The following RNPEPL1 variants were observed in gnomAD, a reference collection of about 807,000 sequenced individuals.
RNPEPL1 encodes arginyl aminopeptidase like 1, also known as aminopeptidase RNPEPL1.
Under a neutral mutation model 69.0 loss-of-function variants are expected in RNPEPL1, and 46 were observed. That is an observed-to-expected ratio of 0.67 (90% CI 0.53 to 0.85). The LOEUF (loss-of-function observed/expected upper bound fraction) is 0.85. RNPEPL1 is among the 40% of genes least tolerant of loss of function. The pLI, the probability that RNPEPL1 is intolerant of heterozygous loss-of-function variation, is 0.00. For missense variants in RNPEPL1, 869 were observed against 992.5 expected (o/e 0.88, Z 1.67); for synonymous variants, 525 against 454.1 (o/e 1.16, Z -1.98).
Position 240,573,293 on chromosome 2 carries a change from G to A in RNPEPL1, c.821+32G>A, listed in dbSNP as rs1406014770. The A allele has an allele frequency of 5.2e-6, 8 of 1,540,720 alleles. 1 individual carries two copies. In the South Asian group the frequency reaches 6.0e-5, roughly 12 times the overall value. On this transcript the variant is annotated intron_variant, in intron 3 of 10. Transcript: ENST00000270357. ...CCTCCTGCTGGGGCCTTCTGGGGCT[G>A]CGCAGGCCTCGGGGAGAGCCCCACC... is the stretch of plus-strand genomic sequence containing the variant.
At chr2:240,569,156 G>A (rs2093013888) in intron 1 of RNPEPL1, 42 bp downstream of exon 1, 6 of 1,396,646 alleles carry the variant, frequency 4.3e-6, no homozygotes, top group Non-Finnish European at 1.8e-6. Flanking sequence ...CCGGTCCGCA[G>A]GGCGCTGCTA....
At chr2:240,573,375 G>A in intron 3 of RNPEPL1, 114 bp downstream of exon 3, 3 of 1,284,740 alleles carry the variant, frequency 2.3e-6, no homozygotes, top group Non-Finnish European at 3.1e-6. Flanking sequence ...CTGGCCTCTG[G>A]GTGCTCTGGG....
At chr2:240,573,717 G>A in intron 3 of RNPEPL1, 58 bp from the exon 4 acceptor site, 1 of 1,396,408 alleles carries the variant, frequency 7.2e-7, no homozygotes, top group South Asian at 1.4e-5. Flanking sequence ...GGAGAGCCTG[G>A]TGGGGTGAGC....
In RNPEPL1 at chr2:240,569,240, G is replaced by A. The variant is rs1342582048; in HGVS notation, c.528+126G>A. On this transcript the variant is annotated intron_variant, in intron 1 of 10. Coordinates refer to ENST00000270357, the MANE Select transcript of RNPEPL1 (RefSeq NM_018226.6). ...ACAGGTGCCCCCCTCCCCCCACCCC[G>A]GTGATTCCCAGCTGTTGCCTGTGAG... The A allele has an allele frequency of 7.1e-5, 76 of 1,069,528 alleles. No individual in the cohort carries two copies. The South Asian group carries it at 1.5e-3, about 20-fold the overall frequency. The allele number at this position is 1,069,528 out of a possible 1,614,324, so 66.3% of individuals were successfully genotyped here.
chr2:240,570,861 G>A (rs1398964715), intron 1 of RNPEPL1, among the ~76,000 whole-genome samples: 1 of 152,194 alleles, frequency 6.6e-6, no homozygotes, highest in Non-Finnish European at 1.5e-5. Flanking sequence ...CTCACTTCAG[G>A]GCAAGTGGGG....
intron 1 of RNPEPL1, chr2:240,569,344 G>T (rs908506243): frequency 4.1e-6 from 2 of 489,452 alleles, no homozygotes; most frequent in Non-Finnish European, 7.1e-6. Context: ...CTCCCGTTCA[G>T]GTGTCTGGTC....
rs1448097891 is a variant in RNPEPL1, at chr2:240,580,146, T to C, written c.*2254T>C. ...AAGTCCTTGTGTTCCTGACCTTTGT[T>C]CCTCTTCCACCCAGCTTGCAAGTGC... On this transcript the variant is annotated 3_prime_UTR_variant, in exon 11 of 11. Transcript: ENST00000270357. 6.6e-6 allele frequency: 1 copy of C among 152,340 alleles called. No individual in the cohort carries two copies. Among genetic ancestry groups the C allele is most frequent in the Non-Finnish European group, 1.5e-5 (1 of 68,170 alleles). 9.4% of individuals were successfully genotyped at this position (152,340 alleles called of 1,614,324 possible).
rs1021712444 is a variant in RNPEPL1, at chr2:240,580,824, G to C, written c.*2932G>C. On this transcript the variant is annotated 3_prime_UTR_variant, in exon 11 of 11. Coordinates refer to ENST00000270357, the MANE Select transcript of RNPEPL1 (RefSeq NM_018226.6). ...GGAGATGATGTTCAAAAAGGGAAAA[G>C]AAGCGTGATGAAAGACTGGTTTCTA... is the stretch of plus-strand genomic sequence containing the variant. 17 of 152,254 alleles carry C rather than the reference G, an allele frequency of 1.1e-4. No individual in the cohort carries two copies. Among genetic ancestry groups the C allele is most frequent in the African/African-American group, 4.1e-4 (17 of 41,462 alleles). The allele number at this position is 152,254 out of a possible 1,614,324, so 9.4% of individuals were successfully genotyped here.
At chr2:240,576,424 A>T (rs1309242973) in intron 8 of RNPEPL1, 111 bp from the exon 9 acceptor site, 1 of 1,047,108 alleles carries the variant, frequency 9.6e-7, no homozygotes, top group South Asian at 1.6e-5. Context: ...ACGTCCCTGG[A>T]ACAGGCCACC....
chr2:240,574,891 G>C, intron 6 of RNPEPL1, 139 bp from the exon 7 acceptor site: 1 of 739,560 alleles, frequency 1.4e-6, no homozygotes, highest in South Asian at 1.6e-5. Context: ...CACGCCCAGG[G>C]CATCAGTACA....
chr2:240,571,095 C>T (rs561676562), intron 1 of RNPEPL1, among the ~76,000 whole-genome samples: 6 of 152,134 alleles, frequency 3.9e-5, no homozygotes, highest in Admixed American at 6.5e-5. Flanking sequence ...AGGTCCCAGC[C>T]CCCCCCAAGG....
chr2:240,568,535 C>T lies in RNPEPL1; in HGVS notation c.-52C>T, dbSNP rs1001960494. On this transcript the variant is annotated 5_prime_UTR_variant, in exon 1 of 11. Coordinates refer to ENST00000270357, the MANE Select transcript of RNPEPL1 (RefSeq NM_018226.6). The surrounding 1 kb of genome is among the most constrained non-coding windows in gnomAD (Gnocchi z 6.2). ...CGCCGCCGCCGCCCGGCGCCCCTCG[C>T]CCGCGGCCCGGCGCGGCCGCCGCCC... 1.6e-4 allele frequency: 139 copies of T among 892,548 alleles called. No homozygotes were observed. In the African/African-American group the frequency reaches 2.4e-3, roughly 15 times the overall value. The allele number at this position is 892,548 out of a possible 1,614,324, so 55.3% of individuals were successfully genotyped here.
At position 240,574,205 on chromosome 2, in the gene RNPEPL1, A is replaced by C; in HGVS notation, c.1031A>C (p.Asp344Ala). Residue 344 changes from aspartate to alanine, a missense_variant, in exon 5 of 11, where the codon GAT (aspartate) becomes GCT (alanine). Physicochemically the swap from Asp to Ala is moderately radical, Grantham distance 126 (BLOSUM62 -2). Coordinates refer to ENST00000270357, the MANE Select transcript of RNPEPL1 (RefSeq NM_018226.6). ...TFIISSILES[D>A]EFLVIDVIHE... ...ATCATCTCCTCCATCCTGGAGAGCG[A>C]TGAGTTCCTGGTCATCGATGTCATC... is the stretch of plus-strand genomic sequence containing the variant. The C allele has an allele frequency of 6.2e-7, 1 of 1,613,098 alleles. No homozygotes were observed. Among genetic ancestry groups the C allele is most frequent in the Non-Finnish European group, 8.5e-7 (1 of 1,179,842 alleles).
chr2:240,579,083 C>A lies in RNPEPL1; in HGVS notation c.*1191C>A, dbSNP rs1004070168. On this transcript the variant is annotated 3_prime_UTR_variant, in exon 11 of 11. Coordinates refer to ENST00000270357, the MANE Select transcript of RNPEPL1 (RefSeq NM_018226.6). ...GAACTGAGATTTCCATTTTCCCAGG[C>A]GATAGGTGTCGCTGCCCTTCACAGT... is the stretch of plus-strand genomic sequence containing the variant. 1 of 152,246 alleles carries A rather than the reference C, an allele frequency of 6.6e-6. No individual in the cohort carries two copies. The allele number at this position is 152,246 out of a possible 1,614,324, so 9.4% of individuals were successfully genotyped here. A position where few individuals can be genotyped will look rare whatever the true frequency, so the allele number is the denominator to read the frequency against.
At chr2:240,576,323 C>A in intron 8 of RNPEPL1, 1 of 593,872 alleles carries the variant, frequency 1.7e-6, no homozygotes, top group South Asian at 2.1e-5. Flanking sequence ...CAACCCAAGT[C>A]TCTGCTTCCC....
rs2093046954 is a variant in RNPEPL1, at chr2:240,579,311, A to G, written c.*1419A>G. ...CATCACTGTCCAGTCCCCAGTCACC[A>G]AATGTCCCACTCACCCTCCTTCCTG... On this transcript the variant is annotated 3_prime_UTR_variant, in exon 11 of 11. Coordinates refer to ENST00000270357, the MANE Select transcript of RNPEPL1 (RefSeq NM_018226.6). The G allele has an allele frequency of 6.6e-6, 1 of 152,220 alleles. No homozygotes were observed. The highest frequency in any genetic ancestry group is 2.1e-4 in the South Asian group (1 of 4,822). The allele number at this position is 152,220 out of a possible 1,614,324, so 9.4% of individuals were successfully genotyped here.
In RNPEPL1 at chr2:240,574,582, G is replaced by A; in HGVS notation, c.1242G>A (p.Leu414=). 1 of 1,613,002 alleles carries A rather than the reference G, an allele frequency of 6.2e-7. No homozygotes were observed. The highest frequency in any genetic ancestry group is 1.1e-5 in the South Asian group (1 of 91,034). ...CCCTGCACCGGCAGATGAAGCTTCT[G>A]GGAGAGGACAGCCCGGTCAGCAAAC... The part of the protein sequence containing the change: ...LDALHRQMKL[L]GEDSPVSKLQ... Residue 414 remains leucine (L), a synonymous_variant, in exon 6 of 11, where the codon CTG becomes CTA. Coordinates refer to ENST00000270357, the MANE Select transcript of RNPEPL1 (RefSeq NM_018226.6).
chr2:240,573,292 T>C, intron 3 of RNPEPL1, 31 bp downstream of exon 3: 1 of 1,540,904 alleles, frequency 6.5e-7, no homozygotes, highest in Non-Finnish European at 8.8e-7. Context: ...CTTCTGGGGC[T>C]GCGCAGGCCT....
chr2:240,578,040 T>G lies in RNPEPL1; in HGVS notation c.*148T>G, dbSNP rs1321932298. The G allele has an allele frequency of 4.0e-6, 3 of 741,438 alleles. No homozygotes were observed. Among genetic ancestry groups the G allele is most frequent in the African/African-American group, 1.8e-5 (1 of 56,740 alleles). 45.9% of individuals were successfully genotyped at this position (741,438 alleles called of 1,614,324 possible). ...CCTGGGCTCTCCCAGGCAGGGAGAA[T>G]GGGGAGAGGGACCTCCTTGTGTCTG... On this transcript the variant is annotated 3_prime_UTR_variant, in exon 11 of 11. Coordinates refer to ENST00000270357, the MANE Select transcript of RNPEPL1 (RefSeq NM_018226.6).
Sources: gnomAD v4.1 joint callset for allele counts (sites outside exome capture counted in the v4.1 genomes callset) on GRCh38, gnomAD v4.1.1 for gene constraint, Gnocchi (gnomAD v3.1) non-coding constraint, MANE v1.5 for transcripts, NCBI Gene and HGNC (gene_info 2026-07-23, HGNC 2026-07-21) for gene names.